The following TENM2 variants were observed in gnomAD, a reference collection of about 807,000 sequenced individuals.
The protein encoded by TENM2 is teneurin transmembrane protein 2, also known as teneurin-2.
TENM2 carries 52 observed loss-of-function variants against 245.2 expected under a neutral mutation model. The observed-to-expected ratio is 0.21, with a 90% CI of 0.17 to 0.27. TENM2 has a LOEUF of 0.27. TENM2 is among the 10% of genes least tolerant of loss of function. The pLI is 1.00. For missense variants in TENM2, 3,046 were observed against 3,666.8 expected (o/e 0.83, Z 4.37); for synonymous variants, 1,363 against 1,438.9 (o/e 0.95, Z 1.19).
chr5:167,048,090 A>T, the TENM2 span, among the ~76,000 whole-genome samples: 2 of 152,186 alleles, frequency 1.3e-5, no homozygotes, highest in Admixed American at 6.5e-5. Flanking sequence ...TTTCAAAAAA[A>T]ATCTAGATGA....
chr5:167,678,049 T>C (rs1756452876), intron 2 of TENM2, among the ~76,000 whole-genome samples: 1 of 152,160 alleles, frequency 6.6e-6, no homozygotes, highest in South Asian at 2.1e-4. Context: ...TAATTTAAAA[T>C]GACAGGTCAC....
chr5:167,921,706 C>T (rs904690369), intron 3 of TENM2, among the ~76,000 whole-genome samples: 1 of 151,308 alleles, frequency 6.6e-6, no homozygotes, highest in African/African-American at 2.4e-5. Context: ...GGAGGGTGCT[C>T]GATGGGAGGC....
At chr5:167,185,454 G>C in the TENM2 span, among the ~76,000 whole-genome samples, 1 of 151,924 alleles carries the variant, frequency 6.6e-6, no homozygotes, top group Non-Finnish European at 1.5e-5. Context: ...ATAAATACAT[G>C]CCCTATTTTT....
At chr5:168,033,927 T>C (rs1452825525) in intron 5 of TENM2, among the ~76,000 whole-genome samples, 1 of 151,800 alleles carries the variant, frequency 6.6e-6, no homozygotes, top group Non-Finnish European at 1.5e-5. Flanking sequence ...CTCTGGAGGC[T>C]GAGGCAGGAG....
chr5:167,248,325 T>C, the TENM2 span, among the ~76,000 whole-genome samples: 1 of 152,142 alleles, frequency 6.6e-6, no homozygotes, highest in South Asian at 2.1e-4. Flanking sequence ...GCGTCCAAAA[T>C]GTGAGTGTGC....
At position 168,224,603 on chromosome 5, in the gene TENM2, A is replaced by C. The variant is rs142445755; in HGVS notation, c.5109-1485A>C. Among the ~76,000 whole-genome samples, 526 of 152,230 alleles carry C rather than the reference A, an allele frequency of 3.5e-3. 1 individual carries two copies. Among genetic ancestry groups the C allele is most frequent in the Non-Finnish European group, 5.5e-3 (373 of 67,996 alleles). ...GCCACAGCGGTCCTTTCCACCGCTC[A>C]CAGGCCCTCCCCACAGGGATCCTTC... is the stretch of plus-strand genomic sequence containing the variant. On this transcript the variant is annotated intron_variant, in intron 23 of 28. Transcript: ENST00000518659.
the TENM2 span, among the ~76,000 whole-genome samples, chr5:167,225,134 G>A: frequency 0.21 from 32,207 of 151,648 alleles, 4,090 homozygotes; most frequent in African/African-American, 0.36. Flanking sequence ...ATGTAAGATT[G>A]GGTCATCTGT....
intron 2 of TENM2, among the ~76,000 whole-genome samples, chr5:167,707,813 A>C (rs1264604573): frequency 1.3e-5 from 2 of 152,190 alleles, no homozygotes; most frequent in Admixed American, 6.5e-5. Context: ...CTGTCTCTTC[A>C]GTGGATTCTA....
At chr5:167,383,456 A>T (rs1761212925) in intron 2 of TENM2, among the ~76,000 whole-genome samples, 1 of 152,140 alleles carries the variant, frequency 6.6e-6, no homozygotes, top group African/African-American at 2.4e-5. Flanking sequence ...CCCACAGAAG[A>T]ACTCTTGCCT....
intron 3 of TENM2, among the ~76,000 whole-genome samples, chr5:167,923,674 A>T (rs1777540735): frequency 6.6e-6 from 1 of 152,076 alleles, no homozygotes; most frequent in African/African-American, 2.4e-5. Context: ...CTGTAAAATA[A>T]ATGTTTTAAC....
At chr5:167,211,085 T>C in the TENM2 span, among the ~76,000 whole-genome samples, 2 of 152,204 alleles carry the variant, frequency 1.3e-5, no homozygotes, top group Non-Finnish European at 2.9e-5. Flanking sequence ...GGAAAAACTT[T>C]AAGATCTCAC....
At chr5:167,347,141 G>GAA (rs111545947) in intron 1 of TENM2, among the ~76,000 whole-genome samples, 15 of 129,592 alleles carry the variant, frequency 1.2e-4, no homozygotes, top group African/African-American at 3.6e-4. Context: ...AATTACAAGA[G>GAA]AAAAAAAAAA....
intron 2 of TENM2, among the ~76,000 whole-genome samples, chr5:167,846,730 A>G (rs1220540359): frequency 2.0e-5 from 3 of 152,238 alleles, no homozygotes; most frequent in African/African-American, 7.2e-5. Context: ...ACCAAGGACC[A>G]ATTTATTGAA....
At chr5:167,207,901 G>A in the TENM2 span, among the ~76,000 whole-genome samples, 39 of 152,132 alleles carry the variant, frequency 2.6e-4, no homozygotes, top group African/African-American at 8.2e-4. Flanking sequence ...TTATAGGCAC[G>A]CGCCAATGTG....
chr5:166,979,874 AT>A, the TENM2 span, among the ~76,000 whole-genome samples: 232 of 151,258 alleles, frequency 1.5e-3, no homozygotes, highest in Middle Eastern at 3.4e-3. Context: ...AATTATAGGG[AT>A]TTTTTTTTAG....
At chr5:167,234,344 A>G in the TENM2 span, among the ~76,000 whole-genome samples, 1 of 152,170 alleles carries the variant, frequency 6.6e-6, no homozygotes, top group Non-Finnish European at 1.5e-5. Flanking sequence ...GAGCTGAAGA[A>G]CTTCTTTATG....
chr5:167,277,307 A>C, the TENM2 span, among the ~76,000 whole-genome samples: 4 of 152,040 alleles, frequency 2.6e-5, no homozygotes, highest in African/African-American at 9.7e-5. Flanking sequence ...CTGATATTGT[A>C]GTTTCATTTT....
intron 3 of TENM2, among the ~76,000 whole-genome samples, chr5:167,950,206 T>C (rs1779970001): frequency 6.6e-6 from 1 of 152,184 alleles, no homozygotes; most frequent in African/African-American, 2.4e-5. Flanking sequence ...ACATAACACA[T>C]GGCACCCAGG....
intron 6 of TENM2, among the ~76,000 whole-genome samples, chr5:168,060,566 C>T (rs1013639196): frequency 6.6e-6 from 1 of 152,160 alleles, no homozygotes; most frequent in Non-Finnish European, 1.5e-5. Context: ...TCCTTTCGGA[C>T]CTCATTCCCT....
Sources: gnomAD v4.1 joint callset for allele counts (sites outside exome capture counted in the v4.1 genomes callset) on GRCh38, gnomAD v4.1.1 for gene constraint, MANE v1.5 for transcripts, NCBI Gene and HGNC (gene_info 2026-07-23, HGNC 2026-07-21) for gene names.